TIMM9: variants seen among roughly 807,000 people sequenced by gnomAD.
TIMM9 encodes the protein translocase of inner mitochondrial membrane 9.
In TIMM9, 10 loss-of-function variants were observed where a neutral mutation model predicts 13.4. That is an observed-to-expected ratio of 0.75 (90% confidence interval 0.46 to 1.26). TIMM9 has a LOEUF of 1.26. Ranked by LOEUF, TIMM9 falls within the 50% of genes most tolerant of loss-of-function variation. The pLI, the probability that TIMM9 is intolerant of heterozygous loss-of-function variation, is 0.00. For synonymous variants in TIMM9, 32 were observed against 32.1 expected (o/e 1.00, Z 0.01); for missense variants, 87 against 100.8 (o/e 0.86, Z 0.58).
At chr14:58,415,454 T>C (rs2036375932) in intron 3 of TIMM9, among the ~76,000 whole-genome samples, 3 of 152,188 alleles carry the variant, frequency 2.0e-5, no homozygotes, top group Non-Finnish European at 4.4e-5. Flanking sequence ...AATACTTCAG[T>C]GAGCAATTAT....
At chr14:58,419,297 T>C (rs1389292385) in intron 3 of TIMM9, among the ~76,000 whole-genome samples, 1 of 151,724 alleles carries the variant, frequency 6.6e-6, no homozygotes. Context: ...GTACAAATAA[T>C]TAAGAAAATT....
chr14:58,412,426 C>A (rs575154837), intron 3 of TIMM9, among the ~76,000 whole-genome samples: 7 of 152,218 alleles, frequency 4.6e-5, no homozygotes, highest in Non-Finnish European at 1.0e-4. Flanking sequence ...AGGCGTTAGC[C>A]GCCGTGCCCG....
chr14:58,409,228 A>G, intron 5 of TIMM9, 60 bp from the exon 6 acceptor site: 1 of 1,581,788 alleles, frequency 6.3e-7, no homozygotes, highest in Admixed American at 1.9e-5. Context: ...TTTAAAATGC[A>G]TGTATTCTAA....
At chr14:58,412,912 A>G (rs964783242) in intron 3 of TIMM9, among the ~76,000 whole-genome samples, 3 of 151,982 alleles carry the variant, frequency 2.0e-5, no homozygotes, top group African/African-American at 7.2e-5. Context: ...AATAATAATA[A>G]TAATAATGAT....
chr14:58,427,420 A>C lies in TIMM9; in HGVS notation c.-332T>G. 1 of 602,760 alleles carries C rather than the reference A, an allele frequency of 1.7e-6. No individual in the cohort carries two copies. The highest frequency in any genetic ancestry group is 2.9e-6 in the Non-Finnish European group (1 of 350,502). 37.3% of individuals were successfully genotyped at this position (602,760 alleles called of 1,614,324 possible). On this transcript the variant is annotated 5_prime_UTR_variant, in exon 1 of 6. Transcript: ENST00000395159. Reference sequence around the variant, plus strand: ...ATCCCACGTCCCTAACGGTCTTCGGAAGCGAAGCAGTGTCAACAGTCCCTG... The same window carrying C: ...ATCCCACGTCCCTAACGGTCTTCGGCAGCGAAGCAGTGTCAACAGTCCCTG...
At chr14:58,425,425 G>GT (rs2036704916) in intron 2 of TIMM9, among the ~76,000 whole-genome samples, 1 of 151,796 alleles carries the variant, frequency 6.6e-6, no homozygotes, top group African/African-American at 2.4e-5. Context: ...ATTAGCCAGC[G>GT]TGGTGGCAAG....
intron 2 of TIMM9, among the ~76,000 whole-genome samples, chr14:58,426,796 G>A (rs939085583): frequency 2.6e-5 from 4 of 152,162 alleles, no homozygotes; most frequent in Non-Finnish European, 5.9e-5. Context: ...CTAATTCAGT[G>A]TCCCAAAACA....
At chr14:58,420,517 G>C (rs1377894260) in intron 3 of TIMM9, among the ~76,000 whole-genome samples, 2 of 152,184 alleles carry the variant, frequency 1.3e-5, no homozygotes, top group Admixed American at 1.3e-4. Flanking sequence ...AAGCTGCTGG[G>C]TGCGGTGGCT....
chr14:58,410,803 T>C (rs761769736), intron 5 of TIMM9, 40 bp downstream of exon 5: 1 of 1,420,566 alleles, frequency 7.0e-7, no homozygotes, highest in South Asian at 1.2e-5. Context: ...AGAGTGTTTA[T>C]GAAGGCTTGT....
At chr14:58,419,453 A>ACACT (rs1338165220) in intron 3 of TIMM9, among the ~76,000 whole-genome samples, 1 of 12,436 alleles carries the variant, frequency 8.0e-5, no homozygotes, top group East Asian at 5.1e-3. Flanking sequence ...AGACCCCGTC[A>ACACT]CACACACACA....
chr14:58,424,242 T>C (rs905589412), intron 2 of TIMM9, 147 bp from the exon 3 acceptor site: 2 of 152,222 alleles, frequency 1.3e-5, no homozygotes, highest in Non-Finnish European at 2.9e-5. Context: ...TATTCTGAGG[T>C]TACAATTCTT....
chr14:58,413,164 A>G (rs1289262969), intron 3 of TIMM9, among the ~76,000 whole-genome samples: 3 of 152,130 alleles, frequency 2.0e-5, no homozygotes, highest in Non-Finnish European at 4.4e-5. Flanking sequence ...TTACACTTAC[A>G]CCACATCTCA....
chr14:58,412,333 G>A (rs936330382), intron 3 of TIMM9, among the ~76,000 whole-genome samples: 3 of 151,964 alleles, frequency 2.0e-5, no homozygotes, highest in African/African-American at 4.8e-5. Flanking sequence ...GTAGAGATGG[G>A]GTTTCACCAT....
In TIMM9 at chr14:58,411,947, T is replaced by C. The variant is rs1566747473; in HGVS notation, c.-2A>G. 3 of 1,613,662 alleles carry C rather than the reference T, an allele frequency of 1.9e-6. No homozygotes were observed. The highest frequency in any genetic ancestry group is 2.5e-6 in the Non-Finnish European group (3 of 1,179,598). ...AGATTCTGGTATTTGTGCAGCCATATTCTTCTGGTACCTTTATTAGTCACC... is the reference window on the plus strand; with the variant it reads ...AGATTCTGGTATTTGTGCAGCCATACTCTTCTGGTACCTTTATTAGTCACC... On this transcript the variant is annotated 5_prime_UTR_variant, in exon 4 of 6. Coordinates refer to ENST00000395159, the MANE Select transcript of TIMM9 (RefSeq NM_012460.4).
At chr14:58,415,275 C>T (rs1417932290) in intron 3 of TIMM9, among the ~76,000 whole-genome samples, 4 of 152,010 alleles carry the variant, frequency 2.6e-5, no homozygotes, top group Non-Finnish European at 5.9e-5. Context: ...ACATCTAGAG[C>T]CTCATAACAT....
chr14:58,408,868 TA>T lies in TIMM9; in HGVS notation c.*165del. On this transcript the variant is annotated 3_prime_UTR_variant, in exon 6 of 6. Transcript: ENST00000395159. ...GACCTTCTATTGTGATTATTCCTGG[TA>T]AATAGCAATTTTGTTTCTCCAGCGG... 1.0e-6 allele frequency: 1 copy of T among 967,046 alleles called. No homozygotes were observed. The highest frequency in any genetic ancestry group is 1.5e-6 in the Non-Finnish European group (1 of 672,512). 59.9% of individuals were successfully genotyped at this position (967,046 alleles called of 1,614,324 possible).
At chr14:58,421,872 AGACCT>A (rs2036596593) in intron 3 of TIMM9, among the ~76,000 whole-genome samples, 1 of 152,228 alleles carries the variant, frequency 6.6e-6, no homozygotes, top group African/African-American at 2.4e-5. Context: ...GTCATCTACT[AGACCT>A]GAGCCTTTTG....
At chr14:58,412,782 T>TCCCAG (rs1392452680) in intron 3 of TIMM9, among the ~76,000 whole-genome samples, 1 of 152,052 alleles carries the variant, frequency 6.6e-6, no homozygotes, top group East Asian at 1.9e-4. Context: ...GTGCCTGTGG[T>TCCCAG]CCCAGCTACT....
At chr14:58,413,558 G>C (rs1252201210) in intron 3 of TIMM9, among the ~76,000 whole-genome samples, 8 of 152,078 alleles carry the variant, frequency 5.3e-5, no homozygotes, top group Non-Finnish European at 1.2e-4. Context: ...GGGAAGACAA[G>C]TAAATAAAAA....
Sources: allele counts gnomAD v4.1 joint callset (sites outside exome capture counted in the v4.1 genomes callset), GRCh38; gene constraint gnomAD v4.1.1; transcripts MANE v1.5; gene names NCBI Gene and HGNC (gene_info 2026-07-23, HGNC 2026-07-21).